Variants in HTR1B observed in about 807,000 individuals in gnomAD.
HTR1B encodes the protein 5-hydroxytryptamine (serotonin) receptor 1B, G protein-coupled.
HTR1B carries 12 observed loss-of-function variants against 25.3 expected under a neutral mutation model. The ratio of observed to expected loss-of-function variants is 0.47; its 90% CI spans 0.30 to 0.77. The LOEUF (loss-of-function observed/expected upper bound fraction) is 0.77. Ranked by LOEUF, HTR1B falls within the 30% of genes least tolerant of loss-of-function variation. The pLI is 0.06. For synonymous variants in HTR1B, 224 were observed against 219.1 expected (o/e 1.02, Z -0.20); for missense variants, 453 against 503.0 (o/e 0.90, Z 0.95).
At position 77,461,864 on chromosome 6, in the gene HTR1B, G is replaced by C. The variant is rs1197104717; in HGVS notation, c.*367C>G. 1 of 218,794 alleles carries C rather than the reference G, an allele frequency of 4.6e-6. No individual in the cohort carries two copies. Among genetic ancestry groups the C allele is most frequent in the East Asian group, 1.1e-4 (1 of 9,036 alleles). 13.6% of individuals were successfully genotyped at this position (218,794 alleles called of 1,614,324 possible). ...GACAGGCTTCAGACAACAATTACAAGTACACTGCTTCTAGTGGGCATTATC... is the reference window on the plus strand; with the variant it reads ...GACAGGCTTCAGACAACAATTACAACTACACTGCTTCTAGTGGGCATTATC... On this transcript the variant is annotated 3_prime_UTR_variant, in exon 1 of 1. Transcript: ENST00000369947.
In HTR1B at chr6:77,462,341, T is replaced by C; in HGVS notation, c.1063A>G (p.Thr355Ala). The change falls in exon 1 of 1, where the codon ACA becomes GCA. Residue 355 changes from threonine (T) to alanine (A), a missense_variant. By Grantham distance (58) the Thr-to-Ala change is moderately conservative (BLOSUM62 0). Transcript: ENST00000369947. This position sits in a 1 kb window ranked among gnomAD's most constrained non-coding sequence, Gnocchi z 4.9. ...WFHLAIFDFF[T>A]WLGYLNSLIN... ...AGGGAGTTGAGATAGCCCAGCCATG[T>C]GAAGAAGTCAAAGATGGCTAGGTGG... The C allele has an allele frequency of 6.2e-7, 1 of 1,614,082 alleles. No individual in the cohort carries two copies.
chr6:77,463,327 G>A lies in HTR1B; in HGVS notation c.77C>T (p.Ser26Phe), dbSNP rs1582426532. ...GCTGCAGTTTTGGGAGGGAGCAGAGGATAAGTTGGCTTGAGGAACCCAGGT... is the reference window on the plus strand; with the variant it reads ...GCTGCAGTTTTGGGAGGGAGCAGAGAATAAGTTGGCTTGAGGAACCCAGGT... Reference protein sequence around the residue: ...SETWVPQANLSSAPSQNCSAK... With the variant: ...SETWVPQANLFSAPSQNCSAK... Residue 26 changes from serine (S) to phenylalanine (F), a missense_variant, in exon 1 of 1, where the codon TCC becomes TTC. Around this residue, in one of 3 missense-constraint regions of HTR1B, gnomAD observed 129 missense variants for 118.3 expected, o/e 1.09. Coordinates refer to ENST00000369947, the MANE Select transcript of HTR1B (RefSeq NM_000863.3). 6.2e-7 allele frequency: 1 copy of A among 1,614,194 alleles called. No homozygotes were observed. The highest frequency in any genetic ancestry group is 2.2e-5 in the East Asian group (1 of 44,878).
rs1766143657 is a variant in HTR1B at position 77,462,015 on chromosome 6, C to T, written c.*216G>A. 1.9e-6 allele frequency: 1 copy of T among 537,620 alleles called. No homozygotes were observed. The highest frequency in any genetic ancestry group is 3.3e-6 in the Non-Finnish European group (1 of 303,126). 33.3% of individuals were successfully genotyped at this position (537,620 alleles called of 1,614,324 possible). On this transcript the variant is annotated 3_prime_UTR_variant, in exon 1 of 1. Coordinates refer to ENST00000369947, the MANE Select transcript of HTR1B (RefSeq NM_000863.3). This position sits in a 1 kb window ranked among gnomAD's most constrained non-coding sequence, Gnocchi z 4.9. ...GGCTTGAGGGGAGGAAGTGAGCCTC[C>T]TCCTGGGCAGGGAAGCTCTACATTT...
Position 77,463,197 on chromosome 6 carries a change from A to G in HTR1B, c.207T>C (p.Phe69=). Residue 69 remains phenylalanine (F), a synonymous_variant, in exon 1 of 1, where the codon TTT becomes TTC. Coordinates refer to ENST00000369947, the MANE Select transcript of HTR1B (RefSeq NM_000863.3). ...GGGTCCGGTACACTGTGGCAATCAC[A>G]AAGGCATTGGAGAGCGTGGTGGCCA... ...ITLATTLSNA[F]VIATVYRTRK... 6.2e-7 allele frequency: 1 copy of G among 1,614,246 alleles called. No individual in the cohort carries two copies. Among genetic ancestry groups the G allele is most frequent in the East Asian group, 2.2e-5 (1 of 44,878 alleles).
chr6:77,463,237 A>T lies in HTR1B; in HGVS notation c.167T>A (p.Leu56Ter). 1 of 1,614,236 alleles carries T rather than the reference A, an allele frequency of 6.2e-7. No homozygotes were observed. Among genetic ancestry groups the T allele is most frequent in the Non-Finnish European group, 8.5e-7 (1 of 1,180,046 alleles). ...LPWKVLLVML[L>*]ALITLATTLS... ...CGTGGTGGCCAAGGTGATGAGCGCC[A>T]ATAGCATAACCAGCAGTACTTTCCA... Residue 56 changes from leucine (L) to a stop codon, truncating the protein, a stop_gained, in exon 1 of 1, where the codon TTG (leucine) becomes TAG (stop). Transcript: ENST00000369947. LOFTEE classifies it high-confidence loss of function.
In HTR1B at chr6:77,462,857, G is replaced by A; in HGVS notation, c.547C>T (p.Pro183Ser). ...TTAGCCTGACGCCAGAAGAAGGGCG[G>A]CAGCGAGATAGAGATGGAGAAGACC... ...VWVFSISISL[P>S]PFFWRQAKAE... The change falls in exon 1 of 1, where the codon CCG (proline) becomes TCG (serine). Residue 183 changes from proline to serine, a missense_variant. This residue lies in a region of HTR1B where 289 missense variants were observed against 319.6 expected (regional missense o/e 0.90). Transcript: ENST00000369947. The surrounding 1 kb of genome is among the most constrained non-coding windows in gnomAD (Gnocchi z 4.9). 1.2e-6 allele frequency: 2 copies of A among 1,613,968 alleles called. No individual in the cohort carries two copies. Among genetic ancestry groups the A allele is most frequent in the South Asian group, 1.1e-5 (1 of 91,084 alleles).
Position 77,462,987 on chromosome 6 carries a change from G to A in HTR1B, c.417C>T (p.His139=). The A allele has an allele frequency of 1.2e-6, 2 of 1,614,116 alleles. No homozygotes were observed. The highest frequency in any genetic ancestry group is 8.5e-7 in the Non-Finnish European group (1 of 1,180,054). Residue 139 remains histidine (H), a synonymous_variant, in exon 1 of 1, where the codon CAC becomes CAT. Coordinates refer to ENST00000369947, the MANE Select transcript of HTR1B (RefSeq NM_000863.3). The surrounding 1 kb of genome is among the most constrained non-coding windows in gnomAD (Gnocchi z 4.9). ...AGCGGTCCAGGGCGATGACACAGAG[G>A]TGCAGGATGGAGGCAGTGCAACAAG... is the stretch of plus-strand genomic sequence containing the variant. ...DITCCTASIL[H]LCVIALDRYW... is the part of the protein sequence containing the mutation.
Position 77,463,004 on chromosome 6 carries a change from T to C in HTR1B, c.400A>G (p.Thr134Ala). 6.2e-7 allele frequency: 1 copy of C among 1,614,106 alleles called. No individual in the cohort carries two copies. Residue 134 changes from threonine (T) to alanine (A), a missense_variant, in exon 1 of 1, where the codon ACT (threonine) becomes GCT (alanine). Coordinates refer to ENST00000369947, the MANE Select transcript of HTR1B (RefSeq NM_000863.3). The part of the protein sequence containing the change: ...FWLSSDITCC[T>A]ASILHLCVIA... ...ACACAGAGGTGCAGGATGGAGGCAG[T>C]GCAACAAGTGATGTCCGACGACAGC...
Position 77,462,882 on chromosome 6 carries a change from C to G in HTR1B, c.522G>C (p.Trp174Cys), listed in dbSNP as rs771416077. Residue 174 changes from tryptophan (W) to cysteine (C), a missense_variant, in exon 1 of 1, where the codon TGG becomes TGC. Trp to Cys is a radical substitution (Grantham distance 215). Transcript: ENST00000369947. The surrounding 1 kb of genome is among the most constrained non-coding windows in gnomAD (Gnocchi z 4.9). ...KRAAVMIALV[W>C]VFSISISLPP... ...GCAGCGAGATAGAGATGGAGAAGACCCACACCAGCGCGATCATGACCGCCG... is the reference window on the plus strand; with the variant it reads ...GCAGCGAGATAGAGATGGAGAAGACGCACACCAGCGCGATCATGACCGCCG... The G allele has an allele frequency of 6.2e-7, 1 of 1,613,988 alleles. No homozygotes were observed. The highest frequency in any genetic ancestry group is 1.1e-5 in the South Asian group (1 of 91,078).
rs1342819280 is a variant in HTR1B at position 77,461,235 on chromosome 6, G to T, written c.*996C>A. ...GATAAGAAATAAAGACACTTTTCTT[G>T]TTAAGAAACAGTATATTTCCAATAC... On this transcript the variant is annotated 3_prime_UTR_variant, in exon 1 of 1. Transcript: ENST00000369947. 6.6e-6 allele frequency among the ~76,000 whole-genome samples: 1 copy of T among 152,096 alleles called. No individual in the cohort carries two copies. The highest frequency in any genetic ancestry group is 1.9e-4 in the East Asian group (1 of 5,192).
Position 77,462,886 on chromosome 6 carries a change from A to G in HTR1B, c.518T>C (p.Val173Ala), listed in dbSNP as rs375249271. The change falls in exon 1 of 1, where the codon GTG (valine) becomes GCG (alanine). Residue 173 changes from valine to alanine, a missense_variant. Transcript: ENST00000369947. The surrounding 1 kb of genome is among the most constrained non-coding windows in gnomAD (Gnocchi z 4.9). ...PKRAAVMIALVWVFSISISLP... is the reference protein window; with the variant it reads ...PKRAAVMIALAWVFSISISLP... ...CGAGATAGAGATGGAGAAGACCCAC[A>G]CCAGCGCGATCATGACCGCCGCCCT... is the stretch of plus-strand genomic sequence containing the variant. 12 of 1,613,882 alleles carry G rather than the reference A, an allele frequency of 7.4e-6. No individual in the cohort carries two copies. The African/African-American group carries it at 1.6e-4, about 22-fold the overall frequency.
rs538031299 is a variant in HTR1B, at chr6:77,462,031, C to T, written c.*200G>A. The T allele has an allele frequency of 5.3e-6, 3 of 564,198 alleles. No individual in the cohort carries two copies. The highest frequency in any genetic ancestry group is 4.5e-5 in the South Asian group (2 of 44,208). The allele number at this position is 564,198 out of a possible 1,614,324, so 34.9% of individuals were successfully genotyped here. A position where few individuals can be genotyped will look rare whatever the true frequency, so the allele number is the denominator to read the frequency against. On this transcript the variant is annotated 3_prime_UTR_variant, in exon 1 of 1. Coordinates refer to ENST00000369947, the MANE Select transcript of HTR1B (RefSeq NM_000863.3). This position sits in a 1 kb window ranked among gnomAD's most constrained non-coding sequence, Gnocchi z 4.9. ...GTGAGCCTCCTCCTGGGCAGGGAAG[C>T]TCTACATTTAGTTTCAACACTTCTC...
rs200191794 is a variant in HTR1B at position 77,463,106 on chromosome 6, T to C, written c.298A>G (p.Ile100Val). 1 of 1,614,100 alleles carries C rather than the reference T, an allele frequency of 6.2e-7. No individual in the cohort carries two copies. Among genetic ancestry groups the C allele is most frequent in the Non-Finnish European group, 8.5e-7 (1 of 1,180,018 alleles). ...ATGGTGCTGATGGGCATCACCAGGA[T>C]GGACACAAGCAGGTCGGTGACCGCC... ...SLAVTDLLVS[I>V]LVMPISTMYT... The change falls in exon 1 of 1, where the codon ATC (isoleucine) becomes GTC (valine). Residue 100 changes from isoleucine (I) to valine (V), a missense_variant. Transcript: ENST00000369947.
At position 77,462,919 on chromosome 6, in the gene HTR1B, G is replaced by A; in HGVS notation, c.485C>T (p.Thr162Ile). 1 of 1,614,058 alleles carries A rather than the reference G, an allele frequency of 6.2e-7. No homozygotes were observed. The highest frequency in any genetic ancestry group is 8.5e-7 in the Non-Finnish European group (1 of 1,180,052). Residue 162 changes from threonine to isoleucine, a missense_variant, in exon 1 of 1, where the codon ACT becomes ATT. By Grantham distance (89) the Thr-to-Ile change is moderately conservative. Around this residue, in one of 3 missense-constraint regions of HTR1B, gnomAD observed 289 missense variants for 319.6 expected, o/e 0.90. Coordinates refer to ENST00000369947, the MANE Select transcript of HTR1B (RefSeq NM_000863.3). The surrounding 1 kb of genome is among the most constrained non-coding windows in gnomAD (Gnocchi z 4.9). The part of the protein sequence containing the change: ...TDAVEYSAKR[T>I]PKRAAVMIAL... ...GATCATGACCGCCGCCCTCTTGGGA[G>A]TCCTTTTAGCTGAGTACTCCACGGC...
chr6:77,461,368 C>T lies in HTR1B; in HGVS notation c.*863G>A, dbSNP rs186469534. Among the ~76,000 whole-genome samples the T allele has an allele frequency of 1.0e-3, 152 of 152,210 alleles. No homozygotes were observed. The highest frequency in any genetic ancestry group is 3.4e-3 in the African/African-American group (142 of 41,518). ...ATTTAAATGTGTAAAGTGACAGGTA[C>T]ATGAAATTAAGAGAAAAAATAAAGC... is the stretch of plus-strand genomic sequence containing the variant. On this transcript the variant is annotated 3_prime_UTR_variant, in exon 1 of 1. Coordinates refer to ENST00000369947, the MANE Select transcript of HTR1B (RefSeq NM_000863.3).
At position 77,461,735 on chromosome 6, in the gene HTR1B, T is replaced by G. The variant is rs1284361127; in HGVS notation, c.*496A>C. The G allele has an allele frequency of 6.5e-6, 1 of 153,556 alleles. No homozygotes were observed. The highest frequency in any genetic ancestry group is 1.4e-5 in the Non-Finnish European group (1 of 69,418). 9.5% of individuals were successfully genotyped at this position (153,556 alleles called of 1,614,324 possible). Reference sequence around the variant, plus strand: ...AAGTGAAGACTGAATGATGCCAAAGTAACTGTTCTTAAATTAAGCTGTAAC... The same window carrying G: ...AAGTGAAGACTGAATGATGCCAAAGGAACTGTTCTTAAATTAAGCTGTAAC... On this transcript the variant is annotated 3_prime_UTR_variant, in exon 1 of 1. Transcript: ENST00000369947.
Position 77,463,282 on chromosome 6 carries a change from T to A in HTR1B, c.122A>T (p.Gln41Leu). 2 of 1,614,134 alleles carry A rather than the reference T, an allele frequency of 1.2e-6. No individual in the cohort carries two copies. Among genetic ancestry groups the A allele is most frequent in the Non-Finnish European group, 1.7e-6 (2 of 1,179,998 alleles). ...QNCSAKDYIY[Q>L]DSISLPWKVL... ...TTTCCAGGGTAGGGAGATGGAGTCCTGGTAAATGTAGTCCTTGGCGCTGCA... is the reference window on the plus strand; with the variant it reads ...TTTCCAGGGTAGGGAGATGGAGTCCAGGTAAATGTAGTCCTTGGCGCTGCA... The change falls in exon 1 of 1, where the codon CAG becomes CTG. Residue 41 changes from glutamine (Q) to leucine (L), a missense_variant. Around this residue, in one of 3 missense-constraint regions of HTR1B, gnomAD observed 129 missense variants for 118.3 expected, o/e 1.09. Coordinates refer to ENST00000369947, the MANE Select transcript of HTR1B (RefSeq NM_000863.3).
chr6:77,462,804 C>T lies in HTR1B; in HGVS notation c.600G>A (p.Val200=). 6.2e-7 allele frequency: 1 copy of T among 1,612,480 alleles called. No homozygotes were observed. Among genetic ancestry groups the T allele is most frequent in the South Asian group, 1.1e-5 (1 of 91,012 alleles). ...TGTAGAGGATGTGGTCGGTGTTCAC[C>T]ACGCATTCCGACACCTCCTCTTCGG... is the stretch of plus-strand genomic sequence containing the variant. ...AKAEEEVSEC[V]VNTDHILYTV... The change falls in exon 1 of 1, where the codon GTG becomes GTA. Residue 200 remains valine, a synonymous_variant. Coordinates refer to ENST00000369947, the MANE Select transcript of HTR1B (RefSeq NM_000863.3). This position sits in a 1 kb window ranked among gnomAD's most constrained non-coding sequence, Gnocchi z 4.9.
At position 77,462,997 on chromosome 6, in the gene HTR1B, GA is replaced by G; in HGVS notation, c.406del (p.Ser136ProfsTer34). ...LSSDITCCTA[S>X]ILHLCVIALD... ...GGCGATGACACAGAGGTGCAGGATG[GA>G]GGCAGTGCAACAAGTGATGTCCGAC... On this transcript the variant is annotated frameshift_variant, in exon 1 of 1. Transcript: ENST00000369947. LOFTEE classifies it high-confidence loss of function. This position sits in a 1 kb window ranked among gnomAD's most constrained non-coding sequence, Gnocchi z 4.9. 6.2e-7 allele frequency: 1 copy of G among 1,614,180 alleles called. No individual in the cohort carries two copies. The highest frequency in any genetic ancestry group is 8.5e-7 in the Non-Finnish European group (1 of 1,180,044).
Sources: allele counts gnomAD v4.1 joint callset (sites outside exome capture counted in the v4.1 genomes callset), GRCh38; gene constraint gnomAD v4.1.1; regional missense constraint gnomAD v4.1.1; non-coding constraint Gnocchi (gnomAD v3.1); transcripts MANE v1.5; gene names NCBI Gene and HGNC (gene_info 2026-07-23, HGNC 2026-07-21).